The following USH2A variants were observed in gnomAD, a reference collection of about 807,000 sequenced individuals.
USH2A encodes the protein Usher syndrome 2A (autosomal recessive, mild).
USH2A carries 443 observed loss-of-function variants against 538.9 expected under a neutral mutation model. The observed-to-expected ratio is 0.82, with a 90% CI of 0.76 to 0.89. USH2A has a LOEUF of 0.89. Among genes scored for constraint, USH2A ranks in the 40% least tolerant of loss-of-function variants. The probability of loss-of-function intolerance (pLI) is 0.00; values close to 1 mark genes in which losing one functional copy is unlikely to be tolerated. For synonymous variants in USH2A, 2,413 were observed against 2,273.5 expected, an observed-to-expected ratio of 1.06 and a Z score of -1.75; for missense variants, 6,633 against 6,324.8, an observed-to-expected ratio of 1.05 and a Z score of -1.65.
intron 24 of USH2A, 151 bp downstream of exon 24, chr1:216,086,568 A>T (rs893139675): frequency 3.2e-6 from 2 of 629,136 alleles, no homozygotes; most frequent in Non-Finnish European, 5.7e-6. Flanking sequence ...GGTTCCTTTA[A>T]AAAAAAGAGA....
intron 35 of USH2A, among the ~76,000 whole-genome samples, chr1:215,973,242 G>C (rs971309001): frequency 6.6e-6 from 1 of 151,956 alleles, no homozygotes; most frequent in African/African-American, 2.4e-5. Flanking sequence ...TTTATGTTAG[G>C]ATTATGTGCA....
chr1:216,122,039 A>T (rs1022419747), intron 21 of USH2A, among the ~76,000 whole-genome samples: 3 of 152,204 alleles, frequency 2.0e-5, no homozygotes, highest in Non-Finnish European at 4.4e-5. Flanking sequence ...AGGACCGCAA[A>T]CACAAAAATC....
At chr1:215,858,253 G>T (rs1664223167) in intron 44 of USH2A, among the ~76,000 whole-genome samples, 1 of 151,924 alleles carries the variant, frequency 6.6e-6, no homozygotes, top group Non-Finnish European at 1.5e-5. Context: ...AGCAGGTATT[G>T]CCCTACTTGT....
rs148526078 is a variant in USH2A at position 216,078,403 on chromosome 1, G to A, written c.5299-41C>T. 2.6e-3 allele frequency: 4,123 copies of A among 1,593,104 alleles called. 9 individuals carry two copies. The highest frequency in any genetic ancestry group is 3.2e-3 in the Non-Finnish European group (3,748 of 1,163,212). The stretch of plus-strand genomic sequence containing the variant: ...AAAAAGAAAGTAGGTATATAAAAAG[G>A]CTGCAGAAGGGCAGTTTGGGAGAGA... On this transcript the variant is annotated intron_variant, in intron 26 of 71. Transcript: ENST00000307340.
chr1:216,418,652 C>A lies in USH2A; in HGVS notation c.513G>T (p.Gly171=). Residue 171 remains glycine, a synonymous_variant, in exon 3 of 72, where the codon GGG becomes GGT. Coordinates refer to ENST00000307340, the MANE Select transcript of USH2A (RefSeq NM_206933.4). ...VMCVIEKTVD[G]QIVFKLTISE... ...ATATTGTAAGTTTGAACACAATCTG[C>A]CCATCTACTGTCTTTTCTATAACAC... The A allele has an allele frequency of 1.2e-6, 2 of 1,613,124 alleles. No individual in the cohort carries two copies. Among genetic ancestry groups the A allele is most frequent in the Non-Finnish European group, 1.7e-6 (2 of 1,179,474 alleles).
intron 21 of USH2A, chr1:216,174,179 T>G: frequency 1.0e-6 from 1 of 984,980 alleles, no homozygotes; most frequent in Non-Finnish European, 1.2e-6. Context: ...AATACAAATT[T>G]TTATAGCTCG....
At chr1:215,779,092 T>G (rs955288393) in intron 55 of USH2A, among the ~76,000 whole-genome samples, 5 of 152,014 alleles carry the variant, frequency 3.3e-5, no homozygotes, top group African/African-American at 1.2e-4. Flanking sequence ...TGGAGAGACA[T>G]AAAAAGACAA....
At chr1:215,956,237 G>A (rs1667065955) in intron 37 of USH2A, among the ~76,000 whole-genome samples, 1 of 152,050 alleles carries the variant, frequency 6.6e-6, no homozygotes, top group Admixed American at 6.6e-5. Flanking sequence ...ACACTAGACA[G>A]GCATATCAGT....
chr1:216,388,062 C>T (rs1484260635), intron 3 of USH2A, among the ~76,000 whole-genome samples: 1 of 152,146 alleles, frequency 6.6e-6, no homozygotes, highest in East Asian at 1.9e-4. Flanking sequence ...TTGCCCAGGA[C>T]TTGACTATAT....
intron 37 of USH2A, among the ~76,000 whole-genome samples, chr1:215,946,407 A>G (rs12407589): frequency 0.11 from 16,900 of 152,232 alleles, 1,036 homozygotes; most frequent in African/African-American, 0.16. Flanking sequence ...ACTTTGGCAT[A>G]ATTTGGCACA....
At chr1:215,887,006 C>T (rs998079813) in intron 41 of USH2A, among the ~76,000 whole-genome samples, 1 of 152,042 alleles carries the variant, frequency 6.6e-6, no homozygotes, top group Admixed American at 6.6e-5. Context: ...TATAGGTGCC[C>T]GCCACCAAGC....
rs762367060 is a variant in USH2A at position 216,000,428 on chromosome 1, G to A, written c.6460C>T (p.Leu2154=). 1 of 1,613,624 alleles carries A rather than the reference G, an allele frequency of 6.2e-7. No homozygotes were observed. The highest frequency in any genetic ancestry group is 8.5e-7 in the Non-Finnish European group (1 of 1,179,688). The change falls in exon 33 of 72, where the codon CTG becomes TTG. Residue 2154 remains leucine (L), a synonymous_variant. Transcript: ENST00000307340. ...TGTATGTGTATAGTTCTAGAATCCA[G>A]GACAGTCAGAACTGGGGAATCCACG... ...EHVDSPVLTV[L]DSRTIHIQWK...
chr1:216,414,803 C>T (rs543576424), intron 3 of USH2A, among the ~76,000 whole-genome samples: 47 of 152,018 alleles, frequency 3.1e-4, no homozygotes, highest in Non-Finnish European at 6.6e-4. Context: ...TCCACATATA[C>T]ATAAAGTGCA....
In USH2A at chr1:215,675,508, A is replaced by G; in HGVS notation, c.12403T>C (p.Cys4135Arg). 6.2e-7 allele frequency: 1 copy of G among 1,614,058 alleles called. No homozygotes were observed. Among genetic ancestry groups the G allele is most frequent in the Non-Finnish European group, 8.5e-7 (1 of 1,179,988 alleles). ...FTLYTLTLEA[C>R]TRAGCAHSAP... is the part of the protein sequence containing the mutation. ...GAGTGTGCACAACCTGCTCTGGTGC[A>G]GGCCTCCAGGGTCAGTGTGTAGAGA... Residue 4135 changes from cysteine (C) to arginine (R), a missense_variant, in exon 63 of 72, where the codon TGC becomes CGC. Transcript: ENST00000307340.
chr1:216,237,511 A>AG lies in USH2A; in HGVS notation c.2810-5376_2810-5375insC, dbSNP rs567719402. ...CTCCGTCTTAAAAAAAAAAAAAAAA[A>AG]AAAGAAAGAAAAAGAAAAAGTTCCA... On this transcript the variant is annotated intron_variant, in intron 13 of 71. Coordinates refer to ENST00000307340, the MANE Select transcript of USH2A (RefSeq NM_206933.4). Among the ~76,000 whole-genome samples, 153 of 151,572 alleles carry AG rather than the reference A, an allele frequency of 1.0e-3. 4 individuals are homozygous for AG. In the South Asian group the frequency reaches 0.029, roughly 29 times the overall value.
intron 38 of USH2A, among the ~76,000 whole-genome samples, chr1:215,912,000 A>G (rs1224239075): frequency 6.6e-6 from 1 of 151,988 alleles, no homozygotes; most frequent in Non-Finnish European, 1.5e-5. Flanking sequence ...TGCCATTTGT[A>G]TGTCTTCTTT....
intron 61 of USH2A, among the ~76,000 whole-genome samples, chr1:215,720,175 TA>T (rs58977431): frequency 1.3e-5 from 2 of 151,854 alleles, no homozygotes; most frequent in African/African-American, 4.8e-5. Context: ...TCCAAGTTCA[TA>T]AAAAAAATTA....
rs142715505 is a variant in USH2A at position 216,162,507 on chromosome 1, G to A, written c.4627+12745C>T. 3.4e-4 allele frequency among the ~76,000 whole-genome samples: 52 copies of A among 152,084 alleles called. No individual in the cohort carries two copies. The East Asian group carries it at 9.3e-3, about 27-fold the overall frequency. On this transcript the variant is annotated intron_variant, in intron 21 of 71. Transcript: ENST00000307340. Reference sequence around the variant, plus strand: ...CATTATTGGTCACTTCATGGATGACGCATAGTAAAACCTCTGGATTATTTT... The same window carrying A: ...CATTATTGGTCACTTCATGGATGACACATAGTAAAACCTCTGGATTATTTT...
chr1:215,707,239 G>A (rs1229430838), intron 61 of USH2A, among the ~76,000 whole-genome samples: 2 of 152,118 alleles, frequency 1.3e-5, no homozygotes, highest in Admixed American at 1.3e-4. Context: ...CTCATATGTA[G>A]GAGAAAAATT....
Sources: gnomAD v4.1 joint callset for allele counts (sites outside exome capture counted in the v4.1 genomes callset) on GRCh38, gnomAD v4.1.1 for gene constraint, MANE v1.5 for transcripts, NCBI Gene and HGNC (gene_info 2026-07-23, HGNC 2026-07-21) for gene names.